The following PMFBP1 variants were observed in gnomAD, a reference collection of about 807,000 sequenced individuals.
PMFBP1 encodes polyamine-modulated factor 1-binding protein 1.
PMFBP1 carries 131 observed loss-of-function variants against 137.8 expected under a neutral mutation model. The ratio of observed to expected loss-of-function variants is 0.95; its 90% CI spans 0.82 to 1.10. The LOEUF (loss-of-function observed/expected upper bound fraction) is 1.10. Ranked by LOEUF, PMFBP1 falls within the 50% of genes least tolerant of loss-of-function variation. The probability of loss-of-function intolerance (pLI) is 0.00; values close to 1 mark genes in which losing one functional copy is unlikely to be tolerated. For synonymous variants in PMFBP1, 490 were observed against 450.4 expected, an observed-to-expected ratio of 1.09 and a Z score of -1.11; for missense variants, 1,199 against 1,175.4, an observed-to-expected ratio of 1.02 and a Z score of -0.29.
chr16:72,187,622 G>C, the PMFBP1 span, among the ~76,000 whole-genome samples: 3 of 152,184 alleles, frequency 2.0e-5, no homozygotes, highest in African/African-American at 7.2e-5. Context: ...GAAGGGAAGG[G>C]AGAGTGAGGT....
the PMFBP1 span, among the ~76,000 whole-genome samples, chr16:72,225,941 AC>A: frequency 6.8e-6 from 1 of 147,196 alleles, no homozygotes; most frequent in African/African-American, 2.5e-5. Flanking sequence ...ACAGACACAC[AC>A]ACACACACAC....
At chr16:72,149,303 T>A (rs182706129) in intron 5 of PMFBP1, among the ~76,000 whole-genome samples, 13 of 152,326 alleles carry the variant, frequency 8.5e-5, no homozygotes, top group African/African-American at 2.9e-4. Context: ...TAATTATTAT[T>A]GGTAAAAGTG....
the PMFBP1 span, among the ~76,000 whole-genome samples, chr16:72,223,769 G>T: frequency 7.9e-5 from 12 of 152,164 alleles, no homozygotes; most frequent in Non-Finnish European, 1.5e-4. Context: ...CCTATCAGAG[G>T]ATGGGGCTAC....
In PMFBP1 at chr16:72,124,633, C is replaced by T. The variant is rs183931686; in HGVS notation, c.2589+134G>A. The T allele has an allele frequency of 1.5e-4, 165 of 1,099,388 alleles. No individual in the cohort carries two copies. In the African/African-American group the frequency reaches 2.0e-3, roughly 13 times the overall value. 68.1% of individuals were successfully genotyped at this position (1,099,388 alleles called of 1,614,324 possible). A position where few individuals can be genotyped will look rare whatever the true frequency, so the allele number is the denominator to read the frequency against. ...CAGCAGCTGTGGCTCTTGCTTTGTG[C>T]TAAATGGAGGGGGTGACCTTTCCTT... On this transcript the variant is annotated intron_variant, in intron 17 of 20. Coordinates refer to ENST00000237353, the MANE Select transcript of PMFBP1 (RefSeq NM_031293.3).
At chr16:72,198,294 AGAATGCAATT>A in the PMFBP1 span, among the ~76,000 whole-genome samples, 1 of 152,208 alleles carries the variant, frequency 6.6e-6, no homozygotes, top group Non-Finnish European at 1.5e-5. Context: ...GCTATTGTGC[AGAATGCAATT>A]GAATTTATTC....
intron 3 of PMFBP1, among the ~76,000 whole-genome samples, chr16:72,163,620 G>C (rs2043096225): frequency 1.3e-5 from 2 of 152,162 alleles, no homozygotes; most frequent in African/African-American, 4.8e-5. Context: ...GGGAGTGGGA[G>C]ACTGAAACAA....
At chr16:72,152,807 T>G (rs2042921634) in intron 4 of PMFBP1, among the ~76,000 whole-genome samples, 1 of 131,196 alleles carries the variant, frequency 7.6e-6, no homozygotes, top group Non-Finnish European at 1.5e-5. Flanking sequence ...ATCGGGCCAA[T>G]GCATCCCAGC....
chr16:72,158,168 T>C (rs1412543191), intron 3 of PMFBP1, among the ~76,000 whole-genome samples: 1 of 152,126 alleles, frequency 6.6e-6, no homozygotes, highest in Non-Finnish European at 1.5e-5. Context: ...AAGTGTCTCA[T>C]CTTAAGTGCC....
chr16:72,237,198 G>A, the PMFBP1 span, among the ~76,000 whole-genome samples: 19 of 152,250 alleles, frequency 1.2e-4, no homozygotes, highest in Admixed American at 5.9e-4. Context: ...ATTCTTTGTG[G>A]GATGACATGG....
At position 72,151,295 on chromosome 16, in the gene PMFBP1, T is replaced by C. The variant is rs76952605; in HGVS notation, c.415-466A>G. Among the ~76,000 whole-genome samples, 55 of 152,362 alleles carry C rather than the reference T, an allele frequency of 3.6e-4. No homozygotes were observed. In the East Asian group the frequency reaches 0.01, roughly 29 times the overall value. On this transcript the variant is annotated intron_variant, in intron 4 of 20. Coordinates refer to ENST00000237353, the MANE Select transcript of PMFBP1 (RefSeq NM_031293.3). ...TGGGGAACATGACCCAAAGTTCCTC[T>C]GGGATTTGCACAATCCTTGTTTAGA...
downstream of PMFBP1, among the ~76,000 whole-genome samples, chr16:72,118,711 A>G (rs1157579174): frequency 6.6e-6 from 1 of 152,020 alleles, no homozygotes; most frequent in Non-Finnish European, 1.5e-5. Flanking sequence ...GTGGCTGGGG[A>G]GGAAAATAAA....
chr16:72,160,962 C>T (rs1284844373), intron 3 of PMFBP1, among the ~76,000 whole-genome samples: 1 of 152,170 alleles, frequency 6.6e-6, no homozygotes, highest in East Asian at 1.9e-4. Flanking sequence ...CAGCAGCAAC[C>T]ATTAGCACAG....
the PMFBP1 span, among the ~76,000 whole-genome samples, chr16:72,214,189 C>T: frequency 0.51 from 77,915 of 151,650 alleles, 21,417 homozygotes; most frequent in African/African-American, 0.71. Flanking sequence ...GTCTCTTGTT[C>T]TTCATTATAA....
chr16:72,227,371 T>TATAAAATGATTAATGATTAAAGGGACAC, the PMFBP1 span, among the ~76,000 whole-genome samples: 1 of 152,212 alleles, frequency 6.6e-6, no homozygotes, highest in South Asian at 2.1e-4. Context: ...AACTTTTTGT[T>TATAAAATGATTAATGATTAAAGGGACAC]ATGCTTCCAA....
Position 72,154,476 on chromosome 16 carries a change from A to C in PMFBP1, c.166-17T>G. The C allele has an allele frequency of 6.2e-7, 1 of 1,609,850 alleles. No homozygotes were observed. Among genetic ancestry groups the C allele is most frequent in the Middle Eastern group, 1.7e-4 (1 of 6,034 alleles). On this transcript the variant is annotated splice_polypyrimidine_tract_variant and intron_variant, in intron 3 of 20. Transcript: ENST00000237353. ...CTTCTTGTCCTACCATAGAGACAGG[A>C]TATACAAAAAAGGCTTTAGATCATC...
intron 2 of PMFBP1, among the ~76,000 whole-genome samples, chr16:72,165,198 T>C (rs1465285900): frequency 1.3e-5 from 2 of 152,192 alleles, no homozygotes; most frequent in East Asian, 3.8e-4. Context: ...AGGAAGTCAG[T>C]GTCTAGAATA....
chr16:72,239,436 TA>T, the PMFBP1 span, among the ~76,000 whole-genome samples: 1 of 152,234 alleles, frequency 6.6e-6, no homozygotes, highest in South Asian at 2.1e-4. Flanking sequence ...CGATGCTAAA[TA>T]AAACACATTC....
chr16:72,151,304 C>T (rs2042899640), intron 4 of PMFBP1, among the ~76,000 whole-genome samples: 1 of 152,172 alleles, frequency 6.6e-6, no homozygotes, highest in Admixed American at 6.5e-5. Context: ...CTGGGATTTG[C>T]ACAATCCTTG....
the PMFBP1 span, among the ~76,000 whole-genome samples, chr16:72,196,985 C>G: frequency 6.6e-6 from 1 of 152,188 alleles, no homozygotes; most frequent in Non-Finnish European, 1.5e-5. Context: ...GACTCTGACT[C>G]AGTAGGTCTG....
Sources: gnomAD v4.1 joint callset for allele counts (sites outside exome capture counted in the v4.1 genomes callset) on GRCh38, gnomAD v4.1.1 for gene constraint, MANE v1.5 for transcripts, NCBI Gene and HGNC (gene_info 2026-07-23, HGNC 2026-07-21) for gene names.